The following ZHX3 variants were observed in gnomAD, a reference collection of about 807,000 sequenced individuals.
The protein encoded by ZHX3 is zinc fingers and homeoboxes protein 3.
Under a neutral mutation model 64.5 loss-of-function variants are expected in ZHX3, and 20 were observed. The ratio of observed to expected loss-of-function variants is 0.31; its 90% CI spans 0.22 to 0.45. ZHX3 has a LOEUF of 0.45. ZHX3 is among the 20% of genes least tolerant of loss of function. The probability of loss-of-function intolerance (pLI) is 1.00; values close to 1 mark genes in which losing one functional copy is unlikely to be tolerated. For missense variants in ZHX3, 1,041 were observed against 1,195.8 expected (o/e 0.87, Z 1.91); for synonymous variants, 423 against 461.6 (o/e 0.92, Z 1.07).
rs969006647 is a variant in ZHX3 at position 41,202,548 on chromosome 20, C to T, written c.2369G>A (p.Ser790Asn). Residue 790 changes from serine (S) to asparagine (N), a missense_variant, in exon 3 of 4, where the codon AGC (serine) becomes AAC (asparagine). Physicochemically the swap from Ser to Asn is conservative, Grantham distance 46. Transcript: ENST00000683867. This position sits in a 1 kb window ranked among gnomAD's most constrained non-coding sequence, Gnocchi z 7.0. The part of the protein sequence containing the change: ...RQLFVQTQWP[S>N]NQDYDSIMAQ... ...CATGATGGAGTCATAGTCCTGGTTG[C>T]TTGGCCACTGTGTCTGGACAAAGAG... is the stretch of plus-strand genomic sequence containing the variant. 6 of 1,614,024 alleles carry T rather than the reference C, an allele frequency of 3.7e-6. No individual in the cohort carries two copies. The African/African-American group carries it at 6.7e-5, about 18-fold the overall frequency.
At chr20:41,277,326 T>C (rs1014939204) in intron 1 of ZHX3, among the ~76,000 whole-genome samples, 8 of 152,212 alleles carry the variant, frequency 5.3e-5, no homozygotes, top group African/African-American at 1.4e-4. Flanking sequence ...TATTCAACTA[T>C]ATACTTTTTT....
chr20:41,243,069 G>A (rs965923277), intron 2 of ZHX3, among the ~76,000 whole-genome samples: 6 of 152,180 alleles, frequency 3.9e-5, no homozygotes, highest in Admixed American at 1.3e-4. Context: ...TACCCAGGTC[G>A]GGGCAGACCT....
chr20:41,278,348 G>A (rs2050058), intron 1 of ZHX3, among the ~76,000 whole-genome samples: 61,536 of 130,306 alleles, frequency 0.47, 20,275 homozygotes, highest in East Asian at 0.76. Flanking sequence ...TGTCTTGAAG[G>A]AAAAAAAAAA....
At chr20:41,264,179 C>T (rs575083502) in intron 2 of ZHX3, among the ~76,000 whole-genome samples, 200 of 151,746 alleles carry the variant, frequency 1.3e-3, no homozygotes, top group Non-Finnish European at 1.4e-3. Context: ...GAGGCCGAGA[C>T]GGGCAGATTG....
At chr20:41,259,499 T>A (rs2042445798) in intron 2 of ZHX3, among the ~76,000 whole-genome samples, 1 of 152,180 alleles carries the variant, frequency 6.6e-6, no homozygotes, top group Admixed American at 6.5e-5. Context: ...ACTGGCTAAA[T>A]TATGATGACT....
intron 2 of ZHX3, among the ~76,000 whole-genome samples, chr20:41,245,703 G>A (rs769743917): frequency 1.3e-5 from 2 of 152,174 alleles, no homozygotes; most frequent in Non-Finnish European, 2.9e-5. Context: ...AGGGAAATGT[G>A]CTACAGCTCC....
intron 1 of ZHX3, among the ~76,000 whole-genome samples, chr20:41,286,881 T>A (rs1477074265): frequency 1.3e-5 from 2 of 152,170 alleles, no homozygotes; most frequent in African/African-American, 4.8e-5. Context: ...TCACGATACC[T>A]GATTATTTAA....
chr20:41,251,219 G>A (rs2146508631), intron 2 of ZHX3, among the ~76,000 whole-genome samples: 1 of 152,130 alleles, frequency 6.6e-6, no homozygotes, highest in South Asian at 2.1e-4. Flanking sequence ...GCTAAAGCAG[G>A]AATATTGCTT....
At chr20:41,217,158 A>G (rs1488967527) in intron 2 of ZHX3, among the ~76,000 whole-genome samples, 1 of 152,214 alleles carries the variant, frequency 6.6e-6, no homozygotes, top group Non-Finnish European at 1.5e-5. Context: ...GTTGCTATGT[A>G]TGATAATGGT....
chr20:41,219,344 T>C lies in ZHX3; in HGVS notation c.-150-14278A>G, dbSNP rs1406020090. Among the ~76,000 whole-genome samples the C allele has an allele frequency of 6.6e-6, 1 of 152,180 alleles. No individual in the cohort carries two copies. The highest frequency in any genetic ancestry group is 2.4e-5 in the African/African-American group (1 of 41,426). ...TTCTTTCTCAAGCTCAGAAGGTGAT[T>C]GTGATATAAATACAAAGGCCTCAGA... is the stretch of plus-strand genomic sequence containing the variant. On this transcript the variant is annotated intron_variant, in intron 2 of 3. Coordinates refer to ENST00000683867, the MANE Select transcript of ZHX3 (RefSeq NM_001384317.1). The surrounding 1 kb of genome is among the most constrained non-coding windows in gnomAD (Gnocchi z 5.0).
At chr20:41,249,205 T>A (rs1300483442) in intron 2 of ZHX3, among the ~76,000 whole-genome samples, 1 of 152,074 alleles carries the variant, frequency 6.6e-6, no homozygotes, top group Non-Finnish European at 1.5e-5. Flanking sequence ...AACTTGGTCA[T>A]TGTTTTGCAG....
chr20:41,282,359 A>ATTTTTTTTTT (rs1442916638), intron 1 of ZHX3, among the ~76,000 whole-genome samples: 1 of 60,702 alleles, frequency 1.6e-5, no homozygotes, highest in Non-Finnish European at 3.1e-5. Context: ...GACACAATTC[A>ATTTTTTTTTT]TCTTTTTTTT....
At chr20:41,315,029 C>A (rs895954831) in intron 1 of ZHX3, among the ~76,000 whole-genome samples, 1 of 152,108 alleles carries the variant, frequency 6.6e-6, no homozygotes, top group South Asian at 2.1e-4. Context: ...ATAAGAACAA[C>A]AGGGAAATGG....
intron 1 of ZHX3, among the ~76,000 whole-genome samples, chr20:41,269,958 A>G (rs2043049982): frequency 6.6e-6 from 1 of 152,036 alleles, no homozygotes; most frequent in African/African-American, 2.4e-5. Context: ...ACATACACAT[A>G]TCTAGCTTTA....
At chr20:41,277,215 G>C (rs999960649) in intron 1 of ZHX3, among the ~76,000 whole-genome samples, 4 of 152,190 alleles carry the variant, frequency 2.6e-5, no homozygotes, top group African/African-American at 9.7e-5. Context: ...TGTAGTCCCA[G>C]TTGCTTGGGA....
At chr20:41,247,821 C>T (rs2041786039) in intron 2 of ZHX3, among the ~76,000 whole-genome samples, 2 of 152,160 alleles carry the variant, frequency 1.3e-5, no homozygotes, top group African/African-American at 4.8e-5. Context: ...CAAAGTCTGC[C>T]CACTTCAGCC....
chr20:41,295,277 C>T (rs1212964552), intron 1 of ZHX3, among the ~76,000 whole-genome samples: 2 of 152,088 alleles, frequency 1.3e-5, no homozygotes, highest in Non-Finnish European at 2.9e-5. Context: ...CAATCCTTTT[C>T]ATAGAATGCA....
intron 1 of ZHX3, among the ~76,000 whole-genome samples, chr20:41,270,339 G>A (rs920612572): frequency 3.3e-5 from 4 of 120,524 alleles, no homozygotes; most frequent in Non-Finnish European, 4.9e-5. Flanking sequence ...TCGCACCACT[G>A]CACTCCAGCC....
At chr20:41,269,977 C>T (rs1265780430) in intron 1 of ZHX3, among the ~76,000 whole-genome samples, 2 of 152,074 alleles carry the variant, frequency 1.3e-5, no homozygotes, top group Non-Finnish European at 2.9e-5. Flanking sequence ...TACACTGCAT[C>T]AGGGATTGTT....
Sources: gnomAD v4.1 joint callset for allele counts (sites outside exome capture counted in the v4.1 genomes callset) on GRCh38, gnomAD v4.1.1 for gene constraint, Gnocchi (gnomAD v3.1) non-coding constraint, MANE v1.5 for transcripts, NCBI Gene and HGNC (gene_info 2026-07-23, HGNC 2026-07-21) for gene names.